The following AGMO variants were observed in gnomAD, a reference collection of about 807,000 sequenced individuals.
AGMO encodes glyceryl-ether monooxygenase.
In AGMO, 75 loss-of-function variants were observed where a neutral mutation model predicts 60.2. That is an observed-to-expected ratio of 1.25 (90% CI 1.03 to 1.51). The LOEUF (loss-of-function observed/expected upper bound fraction) is 1.51, where lower values mean the gene tolerates loss of function less well. AGMO is among the 40% of genes most tolerant of loss of function. AGMO has a pLI of 0.00. For missense variants in AGMO, 763 were observed against 525.5 expected (o/e 1.45, Z -4.42); for synonymous variants, 261 against 177.1 (o/e 1.47, Z -3.76).
At chr7:15,414,908 T>C (rs1197611710) in intron 5 of AGMO, among the ~76,000 whole-genome samples, 2 of 152,130 alleles carry the variant, frequency 1.3e-5, no homozygotes, top group African/African-American at 4.8e-5. Context: ...TAAGTCTCTA[T>C]AATAAATGGG....
intron 12 of AGMO, among the ~76,000 whole-genome samples, chr7:15,249,529 C>T (rs1411195254): frequency 6.6e-6 from 1 of 152,116 alleles, no homozygotes; most frequent in Non-Finnish European, 1.5e-5. Context: ...TGATTTTAAT[C>T]AGGGCAGAAG....
At chr7:15,371,444 G>C (rs983573064) in intron 10 of AGMO, among the ~76,000 whole-genome samples, 2 of 151,482 alleles carry the variant, frequency 1.3e-5, no homozygotes, top group Non-Finnish European at 2.9e-5. Context: ...AGGCTGGAGT[G>C]CAATGGCGCC....
intron 12 of AGMO, among the ~76,000 whole-genome samples, chr7:15,299,886 C>CACACACACACACACACACACAA (rs774065679): frequency 5.2e-5 from 6 of 114,640 alleles, no homozygotes; most frequent in African/African-American, 1.3e-4. Context: ...CACACACACA[C>CACACACACACACACACACACAA]AGTATGTTTT....
In AGMO at chr7:15,346,472, T is replaced by A. The variant is rs190463071; in HGVS notation, c.1263+19042A>T. On this transcript the variant is annotated intron_variant, in intron 12 of 12. Coordinates refer to ENST00000342526, the MANE Select transcript of AGMO (RefSeq NM_001004320.2). ...GATTTAATTGTAAAACAGGCCATTA[T>A]TTAATCTTTTTTCATTAGGATGTTT... Among the ~76,000 whole-genome samples the A allele has an allele frequency of 2.6e-5, 4 of 152,192 alleles. No homozygotes were observed. In the South Asian group the frequency reaches 8.3e-4, roughly 32 times the overall value.
chr7:15,420,389 TTA>T (rs1780893449), intron 4 of AGMO, among the ~76,000 whole-genome samples: 1 of 152,138 alleles, frequency 6.6e-6, no homozygotes. Flanking sequence ...GTGCTAAATC[TTA>T]TATATCAGTA....
At chr7:15,280,916 C>G (rs535353158) in intron 12 of AGMO, among the ~76,000 whole-genome samples, 1 of 152,132 alleles carries the variant, frequency 6.6e-6, no homozygotes, top group African/African-American at 2.4e-5. Context: ...CTCTCCTGCC[C>G]GTTGTTGGGA....
At chr7:15,313,905 A>G (rs1780839761) in intron 12 of AGMO, among the ~76,000 whole-genome samples, 1 of 151,894 alleles carries the variant, frequency 6.6e-6, no homozygotes, top group Non-Finnish European at 1.5e-5. Context: ...TTGCTGTACT[A>G]TACTCACCCT....
chr7:15,366,338 T>C, intron 10 of AGMO, 116 bp from the exon 11 acceptor site: 3 of 616,434 alleles, frequency 4.9e-6, no homozygotes, highest in East Asian at 6.2e-5. Flanking sequence ...CACTTGTCAT[T>C]GACACTTTAC....
At chr7:15,540,215 C>G (rs554185709) in intron 3 of AGMO, among the ~76,000 whole-genome samples, 2 of 152,280 alleles carry the variant, frequency 1.3e-5, no homozygotes, top group South Asian at 2.1e-4. Context: ...ACCCCCAGGT[C>G]TAAGACTCAG....
At chr7:15,315,224 G>A (rs1780882901) in intron 12 of AGMO, among the ~76,000 whole-genome samples, 1 of 151,076 alleles carries the variant, frequency 6.6e-6, no homozygotes, top group Non-Finnish European at 1.5e-5. Context: ...CTAAGTTTGT[G>A]GTAACTTGCT....
intron 3 of AGMO, among the ~76,000 whole-genome samples, chr7:15,448,176 A>G (rs541972042): frequency 1.3e-5 from 2 of 152,302 alleles, no homozygotes; most frequent in African/African-American, 4.8e-5. Flanking sequence ...TCCAAAACTC[A>G]TATGTTGAAA....
At chr7:15,185,668 C>T in the AGMO span, among the ~76,000 whole-genome samples, 1 of 140,724 alleles carries the variant, frequency 7.1e-6, no homozygotes, top group East Asian at 2.0e-4. Flanking sequence ...GAAACTTAAT[C>T]ATAGCCTTAG....
the AGMO span, among the ~76,000 whole-genome samples, chr7:15,185,556 C>G: frequency 1.3e-5 from 2 of 152,102 alleles, no homozygotes; most frequent in Admixed American, 6.6e-5. Context: ...TGAAAAACTA[C>G]GGGGCTTCTG....
intron 3 of AGMO, among the ~76,000 whole-genome samples, chr7:15,466,265 T>C (rs1180754620): frequency 2.0e-5 from 3 of 152,160 alleles, no homozygotes; most frequent in Non-Finnish European, 2.9e-5. Flanking sequence ...AGAAATGAAG[T>C]AAATTGTTCA....
intron 10 of AGMO, among the ~76,000 whole-genome samples, chr7:15,373,918 T>C (rs748112116): frequency 6.6e-6 from 1 of 152,204 alleles, no homozygotes; most frequent in African/African-American, 2.4e-5. Context: ...GAGGCTAATA[T>C]TGCCTAACAC....
At chr7:15,402,357 A>C (rs564328788) in intron 5 of AGMO, among the ~76,000 whole-genome samples, 1 of 148,812 alleles carries the variant, frequency 6.7e-6, no homozygotes, top group Non-Finnish European at 1.5e-5. Context: ...TCTTTCATCT[A>C]TCTATCTGTA....
intron 3 of AGMO, among the ~76,000 whole-genome samples, chr7:15,451,167 A>G (rs549501191): frequency 3.2e-4 from 49 of 152,238 alleles, no homozygotes; most frequent in African/African-American, 1.2e-3. Context: ...AAGGGAAGCA[A>G]ACAATTTTAT....
rs142966378 is a variant in AGMO, at chr7:15,275,800, T to C, written c.1264-74441A>G. Among the ~76,000 whole-genome samples the C allele has an allele frequency of 1.8e-3, 266 of 151,912 alleles. 1 individual carries two copies. Among genetic ancestry groups the C allele is most frequent in the African/African-American group, 6.1e-3 (253 of 41,486 alleles). On this transcript the variant is annotated intron_variant, in intron 12 of 12. Coordinates refer to ENST00000342526, the MANE Select transcript of AGMO (RefSeq NM_001004320.2). The stretch of plus-strand genomic sequence containing the variant: ...TTATCATTATATGATGCTTTTGTCT[T>C]TTTTTTTAACCATTGTTGGTTTAAA...
rs2128543604 is a variant in AGMO, at chr7:15,329,428, TCCCAGAGGA to T, written c.1263+36077_1263+36085del. The stretch of plus-strand genomic sequence containing the variant: ...AACCCTTCAAGATTAAGGTGCAAGC[TCCCAGAGGA>T]CATGACAAGAAATTGTCTATCCTTG... On this transcript the variant is annotated intron_variant, in intron 12 of 12. Coordinates refer to ENST00000342526, the MANE Select transcript of AGMO (RefSeq NM_001004320.2). Among the ~76,000 whole-genome samples, 2 of 152,228 alleles carry T rather than the reference TCCCAGAGGA, an allele frequency of 1.3e-5. 1 individual carries two copies. The highest frequency in any genetic ancestry group is 4.1e-4 in the South Asian group (2 of 4,826).
Sources: gnomAD v4.1 joint callset for allele counts (sites outside exome capture counted in the v4.1 genomes callset) on GRCh38, gnomAD v4.1.1 for gene constraint, MANE v1.5 for transcripts, NCBI Gene and HGNC (gene_info 2026-07-23, HGNC 2026-07-21) for gene names.